RIMS1: variants seen among roughly 807,000 people sequenced by gnomAD.
The protein encoded by RIMS1 is regulating synaptic membrane exocytosis protein 1.
Under a neutral mutation model 214.1 loss-of-function variants are expected in RIMS1, and 83 were observed. That is an observed-to-expected ratio of 0.39 (90% confidence interval 0.32 to 0.47). The LOEUF (loss-of-function observed/expected upper bound fraction) is 0.47. RIMS1 is among the 20% of genes least tolerant of loss of function. The pLI, the probability that RIMS1 is intolerant of heterozygous loss-of-function variation, is 0.99. For missense variants in RIMS1, 2,050 were observed against 2,161.8 expected, an observed-to-expected ratio of 0.95 and a Z score of 1.03; for synonymous variants, 793 against 786.8, an observed-to-expected ratio of 1.01 and a Z score of -0.13.
At chr6:72,350,505 C>T (rs906340451) in intron 29 of RIMS1, among the ~76,000 whole-genome samples, 1 of 152,144 alleles carries the variant, frequency 6.6e-6, no homozygotes. Context: ...TTCACTGGCC[C>T]AGATAGCACA....
intron 6 of RIMS1, among the ~76,000 whole-genome samples, chr6:72,208,933 C>T (rs1000256117): frequency 1.3e-4 from 20 of 152,112 alleles, no homozygotes; most frequent in African/African-American, 4.3e-4. Flanking sequence ...TCAATTACTC[C>T]ATATGGTTGG....
At chr6:72,268,922 C>T (rs948598621) in intron 22 of RIMS1, among the ~76,000 whole-genome samples, 11 of 152,198 alleles carry the variant, frequency 7.2e-5, no homozygotes, top group African/African-American at 2.4e-4. Context: ...CCTTGCTTCC[C>T]TGATTGGCAA....
At chr6:72,008,916 G>A (rs867109228) in intron 2 of RIMS1, among the ~76,000 whole-genome samples, 9 of 152,060 alleles carry the variant, frequency 5.9e-5, no homozygotes, top group South Asian at 2.1e-4. Flanking sequence ...ACAGATCAAC[G>A]AGACAGAAAG....
At chr6:72,277,607 G>C (rs1470141149) in intron 23 of RIMS1, among the ~76,000 whole-genome samples, 1 of 151,428 alleles carries the variant, frequency 6.6e-6, no homozygotes, top group Non-Finnish European at 1.5e-5. Context: ...ATATTTTCTA[G>C]AAATTGAGGA....
chr6:72,125,376 C>T (rs529321249), intron 4 of RIMS1, among the ~76,000 whole-genome samples: 8 of 152,222 alleles, frequency 5.3e-5, no homozygotes, highest in South Asian at 2.1e-4. Flanking sequence ...GAGGGGCACC[C>T]GGCTGTATGA....
intron 2 of RIMS1, among the ~76,000 whole-genome samples, chr6:72,013,330 A>G (rs182325891): frequency 9.6e-4 from 146 of 152,286 alleles, no homozygotes; most frequent in Non-Finnish European, 1.7e-3. Context: ...TATAATTGAG[A>G]ATGTTTTACT....
Position 72,258,239 on chromosome 6 carries a change from A to G in RIMS1, c.2885A>G (p.Gln962Arg), listed in dbSNP as rs774934055. Residue 962 changes from glutamine (Q) to arginine (R), a missense_variant, in exon 17 of 34, where the codon CAG becomes CGG. By Grantham distance (43) the Gln-to-Arg change is conservative. Around this residue, in one of 6 missense-constraint regions of RIMS1, gnomAD observed 889 missense variants for 885.5 expected, o/e 1.00. Coordinates refer to ENST00000521978, the MANE Select transcript of RIMS1 (RefSeq NM_014989.7). ...RSVSPHRGND[Q>R]GKPRSRLPNV... ...GTATCTCCTCATCGCGGCAATGATC[A>G]GGGAAAGCCGCGTTCACGTTTACCA... 6.2e-7 allele frequency: 1 copy of G among 1,613,472 alleles called. No homozygotes were observed. Among genetic ancestry groups the G allele is most frequent in the Non-Finnish European group, 8.5e-7 (1 of 1,179,580 alleles).
chr6:72,302,308 G>A (rs1341494437), intron 26 of RIMS1, among the ~76,000 whole-genome samples: 2 of 151,514 alleles, frequency 1.3e-5, no homozygotes, highest in African/African-American at 2.4e-5. Flanking sequence ...AAAACTGTGG[G>A]CAGAGACTAG....
At chr6:72,184,765 A>G (rs983121509) in intron 6 of RIMS1, among the ~76,000 whole-genome samples, 18 of 138,668 alleles carry the variant, frequency 1.3e-4, no homozygotes, top group African/African-American at 4.4e-4. Context: ...TATTCTGGGA[A>G]AAAAAAAAAA....
At chr6:72,258,405 T>A in intron 17 of RIMS1, 124 bp downstream of exon 17, 1 of 1,082,658 alleles carries the variant, frequency 9.2e-7, no homozygotes, top group Non-Finnish European at 1.3e-6. Context: ...CAGAATTAAT[T>A]GTAGGCAAAA....
intron 2 of RIMS1, among the ~76,000 whole-genome samples, chr6:72,066,042 T>C (rs891318136): frequency 6.6e-6 from 1 of 152,176 alleles, no homozygotes; most frequent in African/African-American, 2.4e-5. Flanking sequence ...TTGAACTTTT[T>C]CTCAGGGGTA....
At chr6:72,259,831 C>T (rs1475417213) in intron 18 of RIMS1, among the ~76,000 whole-genome samples, 1 of 152,130 alleles carries the variant, frequency 6.6e-6, no homozygotes, top group Non-Finnish European at 1.5e-5. Context: ...TAATACCCAC[C>T]TTGTTGAATA....
intron 1 of RIMS1, among the ~76,000 whole-genome samples, chr6:71,926,308 C>T (rs1473792186): frequency 6.6e-6 from 1 of 152,124 alleles, no homozygotes; most frequent in Non-Finnish European, 1.5e-5. Context: ...GTGAAGTGCC[C>T]AATTAATTCA....
chr6:72,186,024 A>G (rs769584677), intron 6 of RIMS1, among the ~76,000 whole-genome samples: 27 of 152,142 alleles, frequency 1.8e-4, no homozygotes, highest in Non-Finnish European at 2.8e-4. Context: ...TGCTTACTTT[A>G]TTGTGAGAAT....
At chr6:71,934,920 A>G (rs185699818) in intron 1 of RIMS1, among the ~76,000 whole-genome samples, 28 of 152,334 alleles carry the variant, frequency 1.8e-4, no homozygotes, top group African/African-American at 6.3e-4. Context: ...TCATGTGTGC[A>G]TGTATGTTCA....
chr6:72,056,741 CACTTTT>C (rs1338068539), intron 2 of RIMS1, among the ~76,000 whole-genome samples: 8 of 152,062 alleles, frequency 5.3e-5, no homozygotes, highest in Non-Finnish European at 7.4e-5. Flanking sequence ...ATTCATTTAG[CACTTTT>C]ACTTTTACAA....
chr6:71,894,006 T>C (rs146961181), intron 1 of RIMS1, among the ~76,000 whole-genome samples: 1 of 152,262 alleles, frequency 6.6e-6, no homozygotes, highest in Admixed American at 6.5e-5. Context: ...TCTTGCTTTC[T>C]CTTCCCCAAA....
At chr6:72,158,923 G>A (rs1040129562) in intron 4 of RIMS1, among the ~76,000 whole-genome samples, 4 of 139,358 alleles carry the variant, frequency 2.9e-5, no homozygotes, top group African/African-American at 9.9e-5. Context: ...GTATAAATGG[G>A]ATGGCTGGGT....
chr6:72,071,730 A>G (rs976266251), intron 2 of RIMS1, among the ~76,000 whole-genome samples: 2 of 152,220 alleles, frequency 1.3e-5, no homozygotes, highest in African/African-American at 4.8e-5. Context: ...AGGAATAGAA[A>G]GACTACACCT....
Sources: allele counts gnomAD v4.1 joint callset (sites outside exome capture counted in the v4.1 genomes callset), GRCh38; gene constraint gnomAD v4.1.1; regional missense constraint gnomAD v4.1.1; transcripts MANE v1.5; gene names NCBI Gene and HGNC (gene_info 2026-07-23, HGNC 2026-07-21).